Variants in KIF26B observed in about 807,000 individuals in gnomAD.
KIF26B encodes kinesin-like protein KIF26B.
Under a neutral mutation model 151.2 loss-of-function variants are expected in KIF26B, and 63 were observed. The ratio of observed to expected loss-of-function variants is 0.42; its 90% CI spans 0.34 to 0.51. The LOEUF (loss-of-function observed/expected upper bound fraction) is 0.51, where lower values mean the gene tolerates loss of function less well. Among genes scored for constraint, KIF26B ranks in the 20% least tolerant of loss-of-function variants. The pLI, the probability that KIF26B is intolerant of heterozygous loss-of-function variation, is 0.07. For missense variants in KIF26B, 2,813 were observed against 2,913.6 expected, an observed-to-expected ratio of 0.97 and a Z score of 0.79; for synonymous variants, 1,357 against 1,262.1, an observed-to-expected ratio of 1.08 and a Z score of -1.59.
At chr1:245,676,542 G>C (rs1367646910) in intron 10 of KIF26B, 1 of 152,216 alleles carries the variant, frequency 6.6e-6, no homozygotes, top group African/African-American at 2.4e-5. Context: ...ACTGTTTGCT[G>C]TCTACAGCTG....
chr1:245,380,955 G>GA (rs35477111), intron 3 of KIF26B, among the ~76,000 whole-genome samples: 5,570 of 77,846 alleles, frequency 0.072, 484 homozygotes, highest in African/African-American at 0.2. Flanking sequence ...CCAAAAAGAT[G>GA]AAAAAAAAAA....
At chr1:245,333,128 G>A (rs887050314) in intron 2 of KIF26B, among the ~76,000 whole-genome samples, 5 of 152,162 alleles carry the variant, frequency 3.3e-5, no homozygotes, top group African/African-American at 1.2e-4. Context: ...AGGCCCAACA[G>A]ATAGTCCCAC....
chr1:245,466,760 C>T (rs1093928), intron 4 of KIF26B, among the ~76,000 whole-genome samples: 124,541 of 152,020 alleles, frequency 0.82, 51,285 homozygotes, highest in African/African-American at 0.9. Context: ...ACCCTGTCTC[C>T]ACTAAAAATA....
At chr1:245,349,568 A>G (rs1455954990) in intron 2 of KIF26B, among the ~76,000 whole-genome samples, 2 of 151,514 alleles carry the variant, frequency 1.3e-5, no homozygotes, top group African/African-American at 4.8e-5. Flanking sequence ...TCAAAAAAAA[A>G]AAAAAAAAAA....
At chr1:245,554,974 C>T (rs1458723684) in intron 5 of KIF26B, among the ~76,000 whole-genome samples, 2 of 152,180 alleles carry the variant, frequency 1.3e-5, no homozygotes, top group Admixed American at 6.5e-5. Context: ...CAGGCTGAAG[C>T]GAGGGGCTTT....
Position 245,283,331 on chromosome 1 carries a change from C to T in KIF26B, c.466-83503C>T, listed in dbSNP as rs563065917. Among the ~76,000 whole-genome samples, 9 of 152,148 alleles carry T rather than the reference C, an allele frequency of 5.9e-5. No homozygotes were observed. The South Asian group carries it at 8.3e-4, about 14-fold the overall frequency. On this transcript the variant is annotated intron_variant, in intron 2 of 14. Coordinates refer to ENST00000407071, the MANE Select transcript of KIF26B (RefSeq NM_018012.4). Reference sequence around the variant, plus strand: ...AAGCCCAACCACCTCAAGCCCAATCCGCCCAAGCCCCGACTCATCAGTTCT... The same window carrying T: ...AAGCCCAACCACCTCAAGCCCAATCTGCCCAAGCCCCGACTCATCAGTTCT...
Position 245,548,745 on chromosome 1 carries a change from CT to C in KIF26B, c.1350+7809del, listed in dbSNP as rs34079894. Among the ~76,000 whole-genome samples, 318 of 143,668 alleles carry C rather than the reference CT, an allele frequency of 2.2e-3. 2 individuals carry two copies. Among genetic ancestry groups the C allele is most frequent in the East Asian group, 9.7e-3 (46 of 4,742 alleles). The allele number at this position is 143,668 out of a possible 152,430, so 94.3% of individuals were successfully genotyped here. A position where few individuals can be genotyped will look rare whatever the true frequency, so the allele number is the denominator to read the frequency against. On this transcript the variant is annotated intron_variant, in intron 5 of 14. Transcript: ENST00000407071. The stretch of plus-strand genomic sequence containing the variant: ...GTAATCTTTTCCTCCCATTTTGCAA[CT>C]TTTTTTTTTTTTTAAAAACAGGGTT...
chr1:245,432,544 C>A (rs984831144), intron 4 of KIF26B, among the ~76,000 whole-genome samples: 5 of 152,228 alleles, frequency 3.3e-5, no homozygotes, highest in African/African-American at 9.6e-5. Flanking sequence ...TCCTGTCTCG[C>A]TGAAAACCCA....
chr1:245,375,863 G>A lies in KIF26B; in HGVS notation c.999+8496G>A, dbSNP rs781507581. Among the ~76,000 whole-genome samples the A allele has an allele frequency of 9.2e-5, 14 of 152,102 alleles. No individual in the cohort carries two copies. Among genetic ancestry groups the A allele is most frequent in the South Asian group, 2.1e-4 (1 of 4,814 alleles). On this transcript the variant is annotated intron_variant, in intron 3 of 14. Transcript: ENST00000407071. The surrounding 1 kb of genome is among the most constrained non-coding windows in gnomAD (Gnocchi z 4.2). ...AACAAACCCCGTTACCCTGCGGATC[G>A]GCCGGTCCATGCACAAGTCAGATTC...
intron 2 of KIF26B, among the ~76,000 whole-genome samples, chr1:245,310,322 G>A (rs1337075378): frequency 6.6e-6 from 1 of 151,998 alleles, no homozygotes. Context: ...GGGTTCATAG[G>A]CTTTCTAACT....
intron 2 of KIF26B, among the ~76,000 whole-genome samples, chr1:245,266,793 CTG>C (rs1444618303): frequency 6.6e-6 from 1 of 152,240 alleles, no homozygotes; most frequent in African/African-American, 2.4e-5. Context: ...ATGTGAGCCA[CTG>C]TGCCTGGCCT....
chr1:245,256,549 T>G (rs1156338995), intron 2 of KIF26B, among the ~76,000 whole-genome samples: 1 of 152,200 alleles, frequency 6.6e-6, no homozygotes, highest in Non-Finnish European at 1.5e-5. Context: ...GTTGACTTTT[T>G]GTAAGACCCA....
At chr1:245,696,582 G>C (rs1160170435) in intron 12 of KIF26B, among the ~76,000 whole-genome samples, 1 of 139,266 alleles carries the variant, frequency 7.2e-6, no homozygotes, top group Non-Finnish European at 1.6e-5. Flanking sequence ...GAGGCACACA[G>C]AAGCTAAACA....
chr1:245,387,797 G>A (rs819886), intron 3 of KIF26B, among the ~76,000 whole-genome samples: 22,418 of 152,194 alleles, frequency 0.15, 1,987 homozygotes, highest in East Asian at 0.32. Flanking sequence ...CCAAAGTGTA[G>A]CTGGACATCT....
chr1:245,403,201 A>G (rs962602041), intron 3 of KIF26B, among the ~76,000 whole-genome samples: 1 of 151,470 alleles, frequency 6.6e-6, no homozygotes, highest in Non-Finnish European at 1.5e-5. Flanking sequence ...TTGAACTCCT[A>G]GGCTCAAGTG....
intron 2 of KIF26B, among the ~76,000 whole-genome samples, chr1:245,221,377 TAAAA>T (rs74163026): frequency 2.2e-4 from 29 of 132,002 alleles, no homozygotes; most frequent in Non-Finnish European, 3.0e-4. Context: ...AAGTTTGAAG[TAAAA>T]AAAAAAAAAA....
intron 9 of KIF26B, among the ~76,000 whole-genome samples, chr1:245,620,955 G>A (rs771508683): frequency 8.5e-5 from 13 of 152,150 alleles, no homozygotes; most frequent in Non-Finnish European, 1.5e-4. Context: ...TCAGCGTGCT[G>A]TGGGCGTCAG....
At chr1:245,432,475 A>C (rs1658803695) in intron 4 of KIF26B, among the ~76,000 whole-genome samples, 1 of 152,224 alleles carries the variant, frequency 6.6e-6, no homozygotes, top group Admixed American at 6.5e-5. Flanking sequence ...GATTTAAAAC[A>C]GAGAAAAGAG....
In KIF26B at chr1:245,703,916, A is replaced by ATAAC. The variant is rs2044807193; in HGVS notation, c.*1312_*1315dup. On this transcript the variant is annotated 3_prime_UTR_variant, in exon 15 of 15. Transcript: ENST00000407071. ...CAAAGGCAGAGAGAGCTTCCCCTCC[A>ATAAC]TAACTCACACGACCCTGGATAGGCA... 3 of 152,154 alleles carry ATAAC rather than the reference A, an allele frequency of 2.0e-5. No homozygotes were observed. The highest frequency in any genetic ancestry group is 6.5e-5 in the Admixed American group (1 of 15,278). The allele number at this position is 152,154 out of a possible 1,614,324, so 9.4% of individuals were successfully genotyped here.
Sources: allele counts gnomAD v4.1 joint callset (sites outside exome capture counted in the v4.1 genomes callset), GRCh38; gene constraint gnomAD v4.1.1; non-coding constraint Gnocchi (gnomAD v3.1); transcripts MANE v1.5; gene names NCBI Gene and HGNC (gene_info 2026-07-23, HGNC 2026-07-21).